SLIT2: variants seen among roughly 807,000 people sequenced by gnomAD.
The protein encoded by SLIT2 is slit guidance ligand 2.
Under a neutral mutation model 185.7 loss-of-function variants are expected in SLIT2, and 41 were observed. The ratio of observed to expected loss-of-function variants is 0.22; its 90% confidence interval spans 0.17 to 0.29. SLIT2 has a LOEUF of 0.29. Among genes scored for constraint, SLIT2 ranks in the 10% least tolerant of loss-of-function variants. The probability of loss-of-function intolerance (pLI) is 1.00; values close to 1 mark genes in which losing one functional copy is unlikely to be tolerated. For missense variants in SLIT2, 1,571 were observed against 1,909.0 expected, an observed-to-expected ratio of 0.82 and a Z score of 3.30; for synonymous variants, 693 against 680.2, an observed-to-expected ratio of 1.02 and a Z score of -0.29.
chr4:20,524,461 G>A (rs1447204440), intron 14 of SLIT2, among the ~76,000 whole-genome samples: 1 of 152,258 alleles, frequency 6.6e-6, no homozygotes, highest in South Asian at 2.1e-4. Context: ...CTTAACCAGA[G>A]CCTTATAGCT....
At position 20,528,054 on chromosome 4, in the gene SLIT2, T is replaced by G. The variant is rs1721452062; in HGVS notation, c.1463-895T>G. ...TTGTTCCCGAAAGCTGTTGTTTCCATTCTGCAGTTCTGAGGAATGGTGGAG... is the reference window on the plus strand; with the variant it reads ...TTGTTCCCGAAAGCTGTTGTTTCCAGTCTGCAGTTCTGAGGAATGGTGGAG... On this transcript the variant is annotated intron_variant, in intron 15 of 36. Coordinates refer to ENST00000504154, the MANE Select transcript of SLIT2 (RefSeq NM_004787.4). This position sits in a 1 kb window ranked among gnomAD's most constrained non-coding sequence, Gnocchi z 4.2. Among the ~76,000 whole-genome samples, 1 of 152,190 alleles carries G rather than the reference T, an allele frequency of 6.6e-6. No individual in the cohort carries two copies. Among genetic ancestry groups the G allele is most frequent in the South Asian group, 2.1e-4 (1 of 4,832 alleles).
chr4:20,491,984 A>T, intron 9 of SLIT2, 85 bp downstream of exon 9: 1 of 1,333,070 alleles, frequency 7.5e-7, no homozygotes, highest in Non-Finnish European at 1.1e-6. Flanking sequence ...GAGTTTATCG[A>T]AGGCACATCT....
At chr4:20,457,937 T>A (rs1242613417) in intron 4 of SLIT2, among the ~76,000 whole-genome samples, 1 of 152,140 alleles carries the variant, frequency 6.6e-6, no homozygotes, top group Non-Finnish European at 1.5e-5. Context: ...TTGGTATTAT[T>A]TTTTCCTAGT....
At chr4:20,611,503 A>G (rs1271338583) in intron 34 of SLIT2, among the ~76,000 whole-genome samples, 2 of 152,254 alleles carry the variant, frequency 1.3e-5, no homozygotes, top group Non-Finnish European at 2.9e-5. Flanking sequence ...TCAAGTAACT[A>G]TAATGCATTA....
chr4:20,515,582 A>C (rs1560492099), intron 11 of SLIT2, among the ~76,000 whole-genome samples: 1 of 152,180 alleles, frequency 6.6e-6, no homozygotes, highest in Non-Finnish European at 1.5e-5. Flanking sequence ...GTTTTCAATG[A>C]AAATTAAAAG....
chr4:20,567,639 CT>C, intron 28 of SLIT2, 24 bp downstream of exon 28: 1 of 1,517,440 alleles, frequency 6.6e-7, no homozygotes, highest in Non-Finnish European at 9.2e-7. Flanking sequence ...CTATGACCAT[CT>C]GTGTCTGAAG....
At chr4:20,400,335 A>G (rs1028474084) in intron 4 of SLIT2, among the ~76,000 whole-genome samples, 1 of 151,704 alleles carries the variant, frequency 6.6e-6, no homozygotes, top group African/African-American at 2.4e-5. Flanking sequence ...CTGGCATAGA[A>G]GGATGGCCAT....
intron 4 of SLIT2, among the ~76,000 whole-genome samples, chr4:20,417,629 C>G (rs1577616703): frequency 6.6e-6 from 1 of 151,728 alleles, no homozygotes; most frequent in South Asian, 2.1e-4. Flanking sequence ...TCAAGCTATT[C>G]CCCTGCTTCA....
Position 20,257,943 on chromosome 4 carries a change from A to G in SLIT2, c.323+4A>G. ...ATCTTAAAGAACTAGAGAGACTGTA[A>G]GTATTTTCAATTCCAAAGTTATGAC... On this transcript the variant is annotated splice_donor_region_variant and intron_variant, in intron 3 of 36. Coordinates refer to ENST00000504154, the MANE Select transcript of SLIT2 (RefSeq NM_004787.4). 1 of 1,379,746 alleles carries G rather than the reference A, an allele frequency of 7.2e-7. No homozygotes were observed. The highest frequency in any genetic ancestry group is 1.0e-6 in the Non-Finnish European group (1 of 979,174). The allele number at this position is 1,379,746 out of a possible 1,614,324, so 85.5% of individuals were successfully genotyped here. A position where few individuals can be genotyped will look rare whatever the true frequency, so the allele number is the denominator to read the frequency against.
intron 4 of SLIT2, 116 bp from the exon 5 acceptor site, chr4:20,467,636 C>A (rs1714502754): frequency 3.7e-6 from 2 of 533,678 alleles, no homozygotes; most frequent in South Asian, 3.2e-5. Flanking sequence ...TAATTATGAT[C>A]CTTTTAGGGT....
intron 4 of SLIT2, among the ~76,000 whole-genome samples, chr4:20,319,853 C>T (rs1002461219): frequency 6.6e-6 from 1 of 151,882 alleles, no homozygotes; most frequent in Admixed American, 6.6e-5. Context: ...ACCAAAACAC[C>T]TTCCTGGGAG....
intron 4 of SLIT2, among the ~76,000 whole-genome samples, chr4:20,415,884 G>A (rs187515104): frequency 1.7e-4 from 26 of 152,224 alleles, no homozygotes; most frequent in Admixed American, 1.3e-4. Flanking sequence ...TTATGTTCCA[G>A]ACTGGTAGAT....
At chr4:20,519,870 A>G (rs1720661808) in intron 12 of SLIT2, among the ~76,000 whole-genome samples, 1 of 151,708 alleles carries the variant, frequency 6.6e-6, no homozygotes, top group African/African-American at 2.4e-5. Context: ...ATCTCTACTA[A>G]CAAACAAAAA....
At chr4:20,560,287 TG>T (rs1158537666) in intron 26 of SLIT2, among the ~76,000 whole-genome samples, 3 of 152,010 alleles carry the variant, frequency 2.0e-5, no homozygotes, top group Admixed American at 6.6e-5. Flanking sequence ...ACAATTTAAA[TG>T]TTTTTTTCTG....
chr4:20,366,746 A>G lies in SLIT2; in HGVS notation c.395+97865A>G, dbSNP rs572472160. On this transcript the variant is annotated intron_variant, in intron 4 of 36. Transcript: ENST00000504154. ...AAGAAAACGGCAGTTTTAGTGTTTTATGAGCTGTATTTAGATCATGCAATA... is the reference window on the plus strand; with the variant it reads ...AAGAAAACGGCAGTTTTAGTGTTTTGTGAGCTGTATTTAGATCATGCAATA... 5.9e-5 allele frequency among the ~76,000 whole-genome samples: 9 copies of G among 152,276 alleles called. No individual in the cohort carries two copies. In the South Asian group the frequency reaches 1.9e-3, roughly 32 times the overall value.
chr4:20,542,064 T>C (rs1248725531), intron 20 of SLIT2, among the ~76,000 whole-genome samples: 1 of 152,156 alleles, frequency 6.6e-6, no homozygotes, highest in Non-Finnish European at 1.5e-5. Flanking sequence ...TAGAACAAGT[T>C]CTATTATTAT....
At chr4:20,397,771 G>T (rs1726025200) in intron 4 of SLIT2, among the ~76,000 whole-genome samples, 1 of 151,798 alleles carries the variant, frequency 6.6e-6, no homozygotes, top group South Asian at 2.1e-4. Context: ...AGTGCAGAGA[G>T]CTCCCATATA....
chr4:20,338,872 T>G (rs1242547436), intron 4 of SLIT2, among the ~76,000 whole-genome samples: 1 of 151,940 alleles, frequency 6.6e-6, no homozygotes, highest in Non-Finnish European at 1.5e-5. Context: ...GAGGATCGCT[T>G]GAGTCCAGGA....
intron 4 of SLIT2, among the ~76,000 whole-genome samples, chr4:20,412,600 A>G (rs929585911): frequency 7.2e-5 from 11 of 152,156 alleles, no homozygotes; most frequent in African/African-American, 2.7e-4. Context: ...TATTTCAGAT[A>G]TCTGAGGCCT....
Sources: gnomAD v4.1 joint callset for allele counts (sites outside exome capture counted in the v4.1 genomes callset) on GRCh38, gnomAD v4.1.1 for gene constraint, Gnocchi (gnomAD v3.1) non-coding constraint, MANE v1.5 for transcripts, NCBI Gene and HGNC (gene_info 2026-07-23, HGNC 2026-07-21) for gene names.